Variants in ATRX observed in about 807,000 individuals in gnomAD.
ATRX encodes the protein chromatin remodeler ATRX.
A neutral mutation model predicts 172.6 loss-of-function variants in ATRX; 12 were observed. The ratio of observed to expected loss-of-function variants is 0.07; its 90% CI spans 0.04 to 0.11. The LOEUF is 0.11. Ranked by LOEUF, ATRX falls within the 10% of genes least tolerant of loss-of-function variation. The pLI, the probability that ATRX is intolerant of heterozygous loss-of-function variation, is 1.00. For synonymous variants in ATRX, 674 were observed against 594.7 expected, an observed-to-expected ratio of 1.13 and a Z score of -1.94; for missense variants, 1,368 against 1,767.4, an observed-to-expected ratio of 0.77 and a Z score of 4.05.
chrX:77,724,706 C>G (rs1557171521), intron 1 of ATRX, among the ~76,000 whole-genome samples: 2 of 111,800 alleles, frequency 1.8e-5, no homozygotes, highest in Non-Finnish European at 3.8e-5. Context: ...AAACTGGTTA[C>G]AAAATGAGAG....
chrX:77,748,175 T>G (rs1557185951), intron 1 of ATRX, among the ~76,000 whole-genome samples: 2 of 111,859 alleles, frequency 1.8e-5, no homozygotes, highest in Non-Finnish European at 3.8e-5. Context: ...AAATTTAAAA[T>G]AAAACAATAT....
chrX:77,685,086 G>T, intron 7 of ATRX, 80 bp from the exon 8 acceptor site: 1 of 783,541 alleles, frequency 1.3e-6, no homozygotes, highest in Non-Finnish European at 1.9e-6. Flanking sequence ...ATTTTTTTAA[G>T]TAATTAAAAA....
chrX:77,752,470 C>T (rs1318185017), intron 1 of ATRX, among the ~76,000 whole-genome samples: 1 of 111,486 alleles, frequency 9.0e-6, no homozygotes, highest in Non-Finnish European at 1.9e-5. Flanking sequence ...ACCTTTATTT[C>T]TTTCTCTTGC....
chrX:77,638,451 C>T (rs1239863650), intron 15 of ATRX, among the ~76,000 whole-genome samples: 3 of 112,326 alleles, frequency 2.7e-5, no homozygotes, highest in Non-Finnish European at 5.6e-5. Flanking sequence ...CTAGCCTGGG[C>T]GACAGAGTGA....
At chrX:77,589,232 G>A (rs1333739734) in intron 27 of ATRX, among the ~76,000 whole-genome samples, 2 of 112,101 alleles carry the variant, frequency 1.8e-5, no homozygotes, top group Non-Finnish European at 3.8e-5. Context: ...ACATAAAGGA[G>A]ATTAGTGGTT....
intron 1 of ATRX, among the ~76,000 whole-genome samples, chrX:77,770,351 C>T (rs1654773522): frequency 9.1e-6 from 1 of 110,227 alleles, no homozygotes; most frequent in South Asian, 3.9e-4. Flanking sequence ...ATCTGCTTGC[C>T]TCAGCCTCCC....
At chrX:77,715,272 T>C (rs2073317534) in intron 2 of ATRX, among the ~76,000 whole-genome samples, 1 of 112,041 alleles carries the variant, frequency 8.9e-6, no homozygotes, top group Non-Finnish European at 1.9e-5. Context: ...CTTTTCTATG[T>C]TTCCATGTGT....
At chrX:77,534,417 T>TTATAAAA (rs1436991404) in intron 30 of ATRX, among the ~76,000 whole-genome samples, 59 of 112,142 alleles carry the variant, frequency 5.3e-4, no homozygotes, top group African/African-American at 1.9e-3. Context: ...CCAGAGCAAG[T>TTATAAAA]TATAAAAGTT....
chrX:77,699,091 T>TA (rs1210835512), intron 2 of ATRX, among the ~76,000 whole-genome samples: 6 of 108,672 alleles, frequency 5.5e-5, no homozygotes, highest in Non-Finnish European at 1.1e-4. Flanking sequence ...AGAAAAGCAA[T>TA]AGAAAAAAAA....
intron 19 of ATRX, among the ~76,000 whole-genome samples, chrX:77,627,187 C>T (rs1163221713): frequency 9.1e-6 from 1 of 110,491 alleles, no homozygotes; most frequent in Non-Finnish European, 1.9e-5. Flanking sequence ...GAGCCGAGAT[C>T]GCGCCACTGC....
At chrX:77,540,042 C>A (rs2063911613) in intron 30 of ATRX, among the ~76,000 whole-genome samples, 1 of 111,391 alleles carries the variant, frequency 9.0e-6, no homozygotes, top group South Asian at 3.8e-4. Context: ...AGAATCAAGA[C>A]CCATTGGTGT....
intron 1 of ATRX, among the ~76,000 whole-genome samples, chrX:77,752,536 G>C (rs1444846547): frequency 8.9e-6 from 1 of 112,184 alleles, no homozygotes; most frequent in Non-Finnish European, 1.9e-5. Context: ...GGGCATCCTT[G>C]TCTTGTGCTG....
chrX:77,635,212 G>C (rs981722738), intron 16 of ATRX, among the ~76,000 whole-genome samples: 1 of 111,479 alleles, frequency 9.0e-6, no homozygotes, highest in Non-Finnish European at 1.9e-5. Context: ...TTGAGGCCAG[G>C]AGGCAGAGAT....
intron 12 of ATRX, among the ~76,000 whole-genome samples, chrX:77,660,924 A>C (rs1557122308): frequency 8.9e-6 from 1 of 112,146 alleles, no homozygotes; most frequent in East Asian, 2.8e-4. Flanking sequence ...CCAATTAAGA[A>C]GACCTAACAA....
intron 15 of ATRX, among the ~76,000 whole-genome samples, chrX:77,636,954 A>G (rs1185771474): frequency 1.0e-5 from 1 of 99,867 alleles, no homozygotes; most frequent in Non-Finnish European, 2.0e-5. Context: ...AAGAAGGAGG[A>G]AGGAGGAGGA....
At chrX:77,655,415 T>C (rs954664820) in intron 13 of ATRX, among the ~76,000 whole-genome samples, 9 of 110,784 alleles carry the variant, frequency 8.1e-5, no homozygotes, top group South Asian at 3.8e-4. Context: ...GAAAACATTA[T>C]GCTAAGTGAA....
chrX:77,732,363 T>C (rs1488991797), intron 1 of ATRX, among the ~76,000 whole-genome samples: 1 of 111,587 alleles, frequency 9.0e-6, no homozygotes, highest in Non-Finnish European at 1.9e-5. Flanking sequence ...GCCGAGAAAA[T>C]TCCTGCATCA....
chrX:77,701,920 G>GC (rs201164538), intron 2 of ATRX, among the ~76,000 whole-genome samples: 6,824 of 109,165 alleles, frequency 0.063, 225 homozygotes, highest in African/African-American at 0.12. Context: ...ACAGAAATTT[G>GC]CCGGGTGTGG....
chrX:77,715,314 G>A (rs956848467), intron 2 of ATRX, among the ~76,000 whole-genome samples: 2 of 111,224 alleles, frequency 1.8e-5, no homozygotes, highest in Admixed American at 9.6e-5. Context: ...ATTGTGTTCC[G>A]ATTACCTACC....
Sources: allele counts gnomAD v4.1 joint callset (sites outside exome capture counted in the v4.1 genomes callset), GRCh38; gene constraint gnomAD v4.1.1; transcripts MANE v1.5; gene names NCBI Gene and HGNC (gene_info 2026-07-23, HGNC 2026-07-21).